Variants in LOXHD1 observed in about 807,000 individuals in gnomAD.
LOXHD1 encodes lipoxygenase homology PLAT domains 1.
Under a neutral mutation model 248.2 loss-of-function variants are expected in LOXHD1, and 205 were observed. The observed-to-expected ratio is 0.83, with a 90% CI of 0.74 to 0.93. The LOEUF (loss-of-function observed/expected upper bound fraction) is 0.93. Among genes scored for constraint, LOXHD1 ranks in the 40% least tolerant of loss-of-function variants. LOXHD1 has a pLI of 0.00. For missense variants in LOXHD1, 2,930 were observed against 2,971.6 expected (o/e 0.99, Z 0.33); for synonymous variants, 1,113 against 1,162.8 (o/e 0.96, Z 0.87).
rs1193026285 is a variant in LOXHD1, at chr18:46,639,679, C to A, written c.448G>T (p.Glu150Ter). The A allele has an allele frequency of 1.3e-6, 2 of 1,551,770 alleles. No homozygotes were observed. The highest frequency in any genetic ancestry group is 2.4e-5 in the South Asian group (2 of 84,062). ...TCACGGCACCACTGGCGGTCACCTT[C>A]CACCTTGCTCAGCCAGTTGTTGCAG... ...FNCNNWLSKVEGDRQWCRDLL... is the reference protein window; with the variant it reads ...FNCNNWLSKV The change falls in exon 4 of 41, where the codon GAA becomes TAA. Residue 150 changes from glutamate to a stop codon, truncating the protein, a stop_gained. Transcript: ENST00000642948. LOFTEE classifies it high-confidence loss of function.
intron 4 of LOXHD1, among the ~76,000 whole-genome samples, chr18:46,639,415 C>A (rs550761452): frequency 7.8e-4 from 119 of 152,326 alleles, no homozygotes; most frequent in African/African-American, 2.8e-3. Flanking sequence ...CTCCTTGAAC[C>A]CCTAGAGCAT....
chr18:46,602,214 T>C (rs927750226), intron 7 of LOXHD1, among the ~76,000 whole-genome samples: 4 of 152,132 alleles, frequency 2.6e-5, no homozygotes, highest in African/African-American at 9.7e-5. Context: ...TATTTATTTT[T>C]TATTTTTTTG....
rs1290539447 is a variant in LOXHD1 at position 46,560,265 on chromosome 18, G to A, written c.2879C>T (p.Ser960Leu). Reference sequence around the variant, plus strand: ...CTCCTCCTCTGACGAGGACTCCTCTGATGAGGACGACTCCTCTTCCTCCCC... The same window carrying A: ...CTCCTCCTCTGACGAGGACTCCTCTAATGAGGACGACTCCTCTTCCTCCCC... ...DEGEEEESSS[S>L]EESSSEEEEM... Residue 960 changes from serine (S) to leucine (L), a missense_variant, in exon 19 of 41, where the codon TCA becomes TTA. Coordinates refer to ENST00000642948, the MANE Select transcript of LOXHD1 (RefSeq NM_001384474.1). 1.3e-6 allele frequency: 2 copies of A among 1,551,722 alleles called. No individual in the cohort carries two copies. Among genetic ancestry groups the A allele is most frequent in the Admixed American group, 3.9e-5 (2 of 51,012 alleles).
chr18:46,576,777 G>A (rs1161069382), intron 14 of LOXHD1, among the ~76,000 whole-genome samples: 1 of 152,188 alleles, frequency 6.6e-6, no homozygotes, highest in Non-Finnish European at 1.5e-5. Flanking sequence ...AAACTACTGG[G>A]CCTGGGTTGG....
In LOXHD1 at chr18:46,577,543, G is replaced by T. The variant is rs328166; in HGVS notation, c.1970+164C>A. ...GGTAGGGGGTGAGAAGGGAATGTGA[G>T]GCTCAGGTCTAAGCACCACCAGCGA... is the stretch of plus-strand genomic sequence containing the variant. On this transcript the variant is annotated intron_variant, in intron 14 of 40. Transcript: ENST00000642948. 0.39 allele frequency among the ~76,000 whole-genome samples: 58,694 copies of T among 151,862 alleles called. 12,010 individuals are homozygous for T. Among genetic ancestry groups the T allele is most frequent in the Middle Eastern group, 0.48 (141 of 294 alleles).
intron 4 of LOXHD1, among the ~76,000 whole-genome samples, chr18:46,629,508 CT>C (rs2038790694): frequency 2.0e-5 from 3 of 152,106 alleles, no homozygotes; most frequent in Admixed American, 6.6e-5. Flanking sequence ...GCACATGCCC[CT>C]AATACGTTAA....
intron 14 of LOXHD1, 71 bp downstream of exon 14, chr18:46,577,636 G>T: frequency 6.7e-7 from 1 of 1,494,010 alleles, no homozygotes; most frequent in Non-Finnish European, 9.0e-7. Flanking sequence ...TGGTAGTAGG[G>T]CTGGGTCTTC....
At chr18:46,608,358 G>A (rs1331759732) in intron 6 of LOXHD1, among the ~76,000 whole-genome samples, 6 of 152,098 alleles carry the variant, frequency 3.9e-5, no homozygotes, top group Admixed American at 3.9e-4. Context: ...AACACATCTT[G>A]GCATATGAAC....
chr18:46,493,896 A>G (rs1848262634), intron 37 of LOXHD1, among the ~76,000 whole-genome samples: 1 of 152,188 alleles, frequency 6.6e-6, no homozygotes, highest in Admixed American at 6.5e-5. Flanking sequence ...GACTCCAATC[A>G]TCTTATCTCT....
chr18:46,638,098 A>T (rs1049803669), intron 4 of LOXHD1, among the ~76,000 whole-genome samples: 122 of 152,314 alleles, frequency 8.0e-4, no homozygotes, highest in African/African-American at 2.7e-3. Flanking sequence ...GGTGTCGAGC[A>T]ATATTTAATG....
In LOXHD1 at chr18:46,605,835, C is replaced by A. The variant is rs78452415; in HGVS notation, c.760-1606G>T. Among the ~76,000 whole-genome samples, 723 of 152,274 alleles carry A rather than the reference C, an allele frequency of 4.7e-3. 20 individuals are homozygous for A. In the East Asian group the frequency reaches 0.073, roughly 15 times the overall value. On this transcript the variant is annotated intron_variant, in intron 6 of 40. Coordinates refer to ENST00000642948, the MANE Select transcript of LOXHD1 (RefSeq NM_001384474.1). ...ATAAGCATATCCTATGTTTCAGGGG[C>A]ACCTTGACTATTGTCAGATACCAAG...
intron 34 of LOXHD1, 58 bp from the exon 35 acceptor site, chr18:46,509,873 G>A: frequency 9.1e-7 from 1 of 1,099,660 alleles, no homozygotes; most frequent in Non-Finnish European, 1.3e-6. Flanking sequence ...GAGGGTTGGG[G>A]TGGGCCAGGC....
At chr18:46,512,360 C>T (rs1481302051) in intron 34 of LOXHD1, among the ~76,000 whole-genome samples, 1 of 151,970 alleles carries the variant, frequency 6.6e-6, no homozygotes, top group Admixed American at 6.6e-5. Context: ...TTTCCCAAAC[C>T]CCTATAATTG....
chr18:46,599,654 T>C (rs907057834), intron 8 of LOXHD1, among the ~76,000 whole-genome samples: 5 of 152,092 alleles, frequency 3.3e-5, no homozygotes, highest in African/African-American at 1.2e-4. Flanking sequence ...GAGAAAATAT[T>C]TGAACATATA....
chr18:46,492,302 A>C (rs1233278325), intron 37 of LOXHD1, among the ~76,000 whole-genome samples: 1 of 152,204 alleles, frequency 6.6e-6, no homozygotes, highest in African/African-American at 2.4e-5. Context: ...GCTGTGAAGA[A>C]ATACCCAAGA....
At chr18:46,644,653 G>C (rs1400169115) in intron 2 of LOXHD1, among the ~76,000 whole-genome samples, 1 of 152,086 alleles carries the variant, frequency 6.6e-6, no homozygotes, top group Non-Finnish European at 1.5e-5. Flanking sequence ...AGGAATTTGA[G>C]GTTGCAGTGA....
At chr18:46,582,121 TAAGTAAATACATAGAAAATATGC>T (rs2037975348) in intron 12 of LOXHD1, among the ~76,000 whole-genome samples, 3 of 152,154 alleles carry the variant, frequency 2.0e-5, no homozygotes, top group Admixed American at 1.3e-4. Flanking sequence ...AGCAATGACA[TAAGTAAATACATAGAAAATATGC>T]AAGTATTTTT....
At chr18:46,616,912 A>G (rs1205584448) in intron 5 of LOXHD1, among the ~76,000 whole-genome samples, 3 of 152,208 alleles carry the variant, frequency 2.0e-5, no homozygotes, top group African/African-American at 4.8e-5. Context: ...GTTTCACCAC[A>G]ATGTATCTAA....
At chr18:46,625,527 T>C (rs549053912) in intron 4 of LOXHD1, among the ~76,000 whole-genome samples, 3 of 152,138 alleles carry the variant, frequency 2.0e-5, no homozygotes, top group Non-Finnish European at 4.4e-5. Flanking sequence ...AAAAATCTTA[T>C]GCTTTAAGAA....
Sources: gnomAD v4.1 joint callset for allele counts (sites outside exome capture counted in the v4.1 genomes callset) on GRCh38, gnomAD v4.1.1 for gene constraint, MANE v1.5 for transcripts, NCBI Gene and HGNC (gene_info 2026-07-23, HGNC 2026-07-21) for gene names.